The following ARHGAP17 variants were observed in gnomAD, a reference collection of about 807,000 sequenced individuals.
The protein encoded by ARHGAP17 is rho GTPase-activating protein 17.
Under a neutral mutation model 99.5 loss-of-function variants are expected in ARHGAP17, and 57 were observed. That is an observed-to-expected ratio of 0.57 (90% CI 0.46 to 0.71). The LOEUF (loss-of-function observed/expected upper bound fraction) is 0.71, where lower values mean the gene tolerates loss of function less well. ARHGAP17 is among the 30% of genes least tolerant of loss of function. The probability of loss-of-function intolerance (pLI) is 0.00; values close to 1 mark genes in which losing one functional copy is unlikely to be tolerated. For synonymous variants in ARHGAP17, 417 were observed against 429.6 expected, an observed-to-expected ratio of 0.97 and a Z score of 0.36; for missense variants, 1,000 against 1,122.4, an observed-to-expected ratio of 0.89 and a Z score of 1.56.
chr16:24,983,295 G>A (rs1445645500), intron 1 of ARHGAP17, among the ~76,000 whole-genome samples: 2 of 150,442 alleles, frequency 1.3e-5, no homozygotes, highest in South Asian at 2.1e-4. Context: ...ATGAGCCACC[G>A]TACGCGGCCA....
chr16:24,993,632 C>T (rs866036289), intron 1 of ARHGAP17, among the ~76,000 whole-genome samples: 1 of 151,016 alleles, frequency 6.6e-6, no homozygotes, highest in African/African-American at 2.4e-5. Context: ...TGTACCCATA[C>T]AGGGCAATTT....
intron 19 of ARHGAP17, among the ~76,000 whole-genome samples, chr16:24,926,414 C>A (rs1052146092): frequency 1.3e-5 from 2 of 151,998 alleles, no homozygotes; most frequent in East Asian, 2.0e-4. Flanking sequence ...GCACCCACCA[C>A]GACACCCAGC....
At position 24,930,892 on chromosome 16, in the gene ARHGAP17, G is replaced by C; in HGVS notation, c.2407C>G (p.Pro803Ala). 6.2e-7 allele frequency: 1 copy of C among 1,614,030 alleles called. No individual in the cohort carries two copies. The highest frequency in any genetic ancestry group is 1.1e-5 in the South Asian group (1 of 91,064). Residue 803 changes from proline to alanine, a missense_variant, in exon 19 of 20, where the codon CCA becomes GCA. Coordinates refer to ENST00000289968, the MANE Select transcript of ARHGAP17 (RefSeq NM_001006634.3). ...GGGGGCACGCTGGGCCGGTTCCTTG[G>C]CTTTGGTACTGGTCTCGGTCTCGGT... Reference protein sequence around the residue: ...TLPRPRPVPKPRNRPSVPPPP... With the variant: ...TLPRPRPVPKARNRPSVPPPP...
At chr16:24,921,207 G>A (rs955995886) in intron 19 of ARHGAP17, among the ~76,000 whole-genome samples, 16 of 152,194 alleles carry the variant, frequency 1.1e-4, no homozygotes, top group African/African-American at 2.9e-4. Context: ...GGTCAAGTGG[G>A]CAGACCAAGG....
At chr16:25,003,222 C>T (rs2344760) in intron 1 of ARHGAP17, among the ~76,000 whole-genome samples, 72,216 of 141,136 alleles carry the variant, frequency 0.51, 19,986 homozygotes, top group African/African-American at 0.75. Flanking sequence ...AGTATGCTAG[C>T]TTTAAAGCTT....
chr16:25,006,188 G>A (rs974560952), intron 1 of ARHGAP17, among the ~76,000 whole-genome samples: 1 of 151,922 alleles, frequency 6.6e-6, no homozygotes, highest in African/African-American at 2.4e-5. Flanking sequence ...TAACAGGAAG[G>A]ATGGCCTCTG....
chr16:25,005,000 G>A (rs1375895292), intron 1 of ARHGAP17, among the ~76,000 whole-genome samples: 2 of 152,096 alleles, frequency 1.3e-5, no homozygotes, highest in Admixed American at 6.5e-5. Flanking sequence ...CTGCAACCTC[G>A]GCCTCCTGGG....
At chr16:24,950,836 CAAAAAAAAA>C (rs1177614713) in intron 12 of ARHGAP17, among the ~76,000 whole-genome samples, 1 of 39,444 alleles carries the variant, frequency 2.5e-5, no homozygotes, top group African/African-American at 1.0e-4. Context: ...GACTCCAACT[CAAAAAAAAA>C]AAAAAAAAAA....
At chr16:24,920,303 C>T (rs775979945) in intron 19 of ARHGAP17, 43 bp from the exon 20 acceptor site, 4 of 1,609,256 alleles carry the variant, frequency 2.5e-6, no homozygotes, top group Non-Finnish European at 3.4e-6. Context: ...TGAGGGGTAA[C>T]CCCCGAGAGG....
chr16:24,939,704 CTGCCCGGCA>C (rs2152456895), intron 16 of ARHGAP17, 107 bp from the exon 17 acceptor site: 1 of 1,212,776 alleles, frequency 8.2e-7, no homozygotes, highest in African/African-American at 1.5e-5. Context: ...GCCACCCAAG[CTGCCCGGCA>C]TGCAGTGAAG....
At chr16:24,923,707 G>C (rs953261979) in intron 19 of ARHGAP17, among the ~76,000 whole-genome samples, 8 of 129,200 alleles carry the variant, frequency 6.2e-5, no homozygotes, top group Non-Finnish European at 1.3e-4. Flanking sequence ...AACAGAGCAA[G>C]ACCCTGTCTC....
intron 1 of ARHGAP17, among the ~76,000 whole-genome samples, chr16:25,009,375 A>C (rs2053586266): frequency 6.6e-6 from 1 of 152,114 alleles, no homozygotes; most frequent in African/African-American, 2.4e-5. Context: ...AAAAAAAAAA[A>C]AAAAAGGGTG....
intron 14 of ARHGAP17, among the ~76,000 whole-genome samples, chr16:24,944,409 C>A (rs1490106782): frequency 6.6e-6 from 1 of 152,044 alleles, no homozygotes; most frequent in Non-Finnish European, 1.5e-5. Flanking sequence ...ACACACAGAC[C>A]CTGGGGGCAG....
Position 24,929,819 on chromosome 16 carries a change from C to A in ARHGAP17, c.2515+965G>T, listed in dbSNP as rs373915833. Among the ~76,000 whole-genome samples, 71 of 152,258 alleles carry A rather than the reference C, an allele frequency of 4.7e-4. 1 individual carries two copies. In the South Asian group the frequency reaches 0.015, roughly 31 times the overall value. On this transcript the variant is annotated intron_variant, in intron 19 of 19. Transcript: ENST00000289968. ...ATCAAAAGCTGTTAGAATCAGTTAA[C>A]CGTCACCCTTTGGGTTAATGGAAAC...
intron 4 of ARHGAP17, among the ~76,000 whole-genome samples, chr16:24,969,525 C>G (rs2141313894): frequency 6.6e-6 from 1 of 152,312 alleles, no homozygotes; most frequent in East Asian, 1.9e-4. Flanking sequence ...TGTCAGTATC[C>G]TCGTCTGTAA....
intron 9 of ARHGAP17, chr16:24,956,234 C>T (rs1030026875): frequency 4.6e-5 from 7 of 152,268 alleles, no homozygotes; most frequent in African/African-American, 1.7e-4. Context: ...TGCTTCAAAC[C>T]TCTGCTGGAA....
intron 17 of ARHGAP17, among the ~76,000 whole-genome samples, chr16:24,938,089 G>A (rs181860232): frequency 1.4e-3 from 207 of 152,282 alleles, no homozygotes; most frequent in East Asian, 2.5e-3. Flanking sequence ...ATGGCTGGGC[G>A]CGGTGGCTCA....
At chr16:24,966,138 T>C (rs1597420704) in intron 6 of ARHGAP17, among the ~76,000 whole-genome samples, 1 of 152,220 alleles carries the variant, frequency 6.6e-6, no homozygotes, top group South Asian at 2.1e-4. Context: ...ATTAGAATAT[T>C]TTTCCTTCTC....
intron 19 of ARHGAP17, among the ~76,000 whole-genome samples, chr16:24,928,473 C>A (rs572365375): frequency 1.3e-5 from 2 of 152,076 alleles, no homozygotes; most frequent in Non-Finnish European, 2.9e-5. Context: ...AAATACACCC[C>A]GGGTAACAAT....
Sources: gnomAD v4.1 joint callset for allele counts (sites outside exome capture counted in the v4.1 genomes callset) on GRCh38, gnomAD v4.1.1 for gene constraint, MANE v1.5 for transcripts, NCBI Gene and HGNC (gene_info 2026-07-23, HGNC 2026-07-21) for gene names.